The following ADAM32 variants were observed in gnomAD, a reference collection of about 807,000 sequenced individuals.
The protein encoded by ADAM32 is disintegrin and metalloproteinase domain-containing protein 32.
ADAM32 carries 89 observed loss-of-function variants against 114.9 expected under a neutral mutation model. The ratio of observed to expected loss-of-function variants is 0.77; its 90% confidence interval spans 0.65 to 0.92. The LOEUF is 0.92. Ranked by LOEUF, ADAM32 falls within the 40% of genes least tolerant of loss-of-function variation. ADAM32 has a pLI of 0.00. For missense variants in ADAM32, 870 were observed against 932.8 expected, an observed-to-expected ratio of 0.93 and a Z score of 0.88; for synonymous variants, 285 against 307.5, an observed-to-expected ratio of 0.93 and a Z score of 0.77.
chr8:39,174,275 G>C (rs566909453), intron 10 of ADAM32, among the ~76,000 whole-genome samples: 7 of 152,274 alleles, frequency 4.6e-5, no homozygotes, highest in Non-Finnish European at 7.4e-5. Flanking sequence ...ATGGTTGTAG[G>C]TGTGTGGTCT....
chr8:39,234,893 C>T (rs761461696), intron 16 of ADAM32, among the ~76,000 whole-genome samples: 2 of 152,196 alleles, frequency 1.3e-5, no homozygotes, highest in African/African-American at 4.8e-5. Context: ...CAACTTTCCC[C>T]ATGCTTTTCT....
At position 39,246,148 on chromosome 8, in the gene ADAM32, A is replaced by G. The variant is rs770688128; in HGVS notation, c.1884A>G (p.Gln628=). The G allele has an allele frequency of 1.9e-6, 3 of 1,613,364 alleles. No homozygotes were observed. The highest frequency in any genetic ancestry group is 2.2e-5 in the South Asian group (2 of 91,048). The change falls in exon 17 of 25, where the codon CAA becomes CAG. Residue 628 remains glutamine (Q), a synonymous_variant. Coordinates refer to ENST00000379907, the MANE Select transcript of ADAM32 (RefSeq NM_145004.7). ...AGGCTTCAGCACATGTTTGTTCACA[A>G]CAGTGTTCTGGACATGGAGTAAGTA... ...IIKASAHVCS[Q]QCSGHGVCDS... is the part of the protein sequence containing the mutation.
intron 22 of ADAM32, chr8:39,276,102 G>C (rs1813056159): frequency 2.6e-6 from 1 of 386,724 alleles, no homozygotes. Flanking sequence ...TTATTTTTGG[G>C]AAACAAAGGA....
chr8:39,138,151 CT>C (rs1022026111), intron 3 of ADAM32, among the ~76,000 whole-genome samples: 3 of 151,990 alleles, frequency 2.0e-5, no homozygotes, highest in South Asian at 2.1e-4. Flanking sequence ...AGGGAGTTTC[CT>C]TTTTTTGTGT....
chr8:39,250,983 A>G (rs77231224), intron 17 of ADAM32, among the ~76,000 whole-genome samples: 32,771 of 151,762 alleles, frequency 0.22, 3,792 homozygotes, highest in East Asian at 0.28. Flanking sequence ...AGTTCCATCC[A>G]TGTTGCTATG....
At chr8:39,241,592 T>A (rs1810555391) in intron 16 of ADAM32, among the ~76,000 whole-genome samples, 1 of 152,228 alleles carries the variant, frequency 6.6e-6, no homozygotes, top group South Asian at 2.1e-4. Flanking sequence ...GGCTTGGGCT[T>A]CCACCCTCTG....
chr8:39,115,743 AATG>A (rs1478378088), intron 1 of ADAM32, among the ~76,000 whole-genome samples: 2 of 152,160 alleles, frequency 1.3e-5, no homozygotes, highest in African/African-American at 4.8e-5. Context: ...TCTTTAGTTT[AATG>A]AAGTCCCACT....
At chr8:39,208,680 A>C (rs1424323122) in intron 11 of ADAM32, among the ~76,000 whole-genome samples, 2 of 152,068 alleles carry the variant, frequency 1.3e-5, no homozygotes, top group African/African-American at 4.8e-5. Context: ...CTTGGTTGAA[A>C]GTTTTTTCCT....
At chr8:39,209,483 T>C (rs73606769) in intron 11 of ADAM32, among the ~76,000 whole-genome samples, 37,519 of 152,156 alleles carry the variant, frequency 0.25, 4,976 homozygotes, top group Non-Finnish European at 0.29. Context: ...TACTGGTGCC[T>C]TATTTATTAT....
intron 22 of ADAM32, among the ~76,000 whole-genome samples, chr8:39,277,657 G>A (rs775210601): frequency 3.9e-5 from 6 of 152,230 alleles, no homozygotes; most frequent in Non-Finnish European, 8.8e-5. Context: ...CTGGCTGGGC[G>A]GGATCAAACT....
At chr8:39,275,685 G>A in intron 21 of ADAM32, 143 bp from the exon 22 acceptor site, 1 of 716,844 alleles carries the variant, frequency 1.4e-6, no homozygotes. Flanking sequence ...TAATTTAGTA[G>A]TCTTTTGAAA....
At chr8:39,245,142 A>G (rs1182551681) in intron 16 of ADAM32, among the ~76,000 whole-genome samples, 2 of 152,172 alleles carry the variant, frequency 1.3e-5, no homozygotes, top group Non-Finnish European at 2.9e-5. Flanking sequence ...GAACAAAATA[A>G]TGACATTTTA....
chr8:39,214,605 T>C (rs1309150107), intron 12 of ADAM32, among the ~76,000 whole-genome samples: 1 of 152,154 alleles, frequency 6.6e-6, no homozygotes, highest in Non-Finnish European at 1.5e-5. Flanking sequence ...GTTGGATGGG[T>C]AGTTTGCAGA....
rs2129445400 is a variant in ADAM32, at chr8:39,147,178, T to C, written c.249T>C (p.Ser83=). Residue 83 remains serine (S), a synonymous_variant, in exon 4 of 25, where the codon TCT becomes TCC. Transcript: ENST00000379907. The part of the protein sequence containing the change: ...NFMIYLYNQG[S]MNTYSSDIQT... ...TGATCTATTTGTACAATCAAGGATC[T>C]ATGAATACTTATTCTTCAGATATTC... 9.8e-7 allele frequency: 1 copy of C among 1,020,402 alleles called. No individual in the cohort carries two copies. Among genetic ancestry groups the C allele is most frequent in the Non-Finnish European group, 1.3e-6 (1 of 765,352 alleles). 63.2% of individuals were successfully genotyped at this position (1,020,402 alleles called of 1,614,324 possible). A position where few individuals can be genotyped will look rare whatever the true frequency, so the allele number is the denominator to read the frequency against.
At chr8:39,282,890 A>T (rs1441831954) in intron 23 of ADAM32, among the ~76,000 whole-genome samples, 1 of 152,164 alleles carries the variant, frequency 6.6e-6, no homozygotes, top group Non-Finnish European at 1.5e-5. Context: ...TCATGGTCAG[A>T]GTAGTAGGAA....
At chr8:39,257,162 T>A (rs763346516) in intron 18 of ADAM32, 25 bp from the exon 19 acceptor site, 20 of 1,518,108 alleles carry the variant, frequency 1.3e-5, no homozygotes, top group Non-Finnish European at 1.7e-5. Flanking sequence ...TTTTTGTTTT[T>A]TTTTTTTTGT....
chr8:39,149,595 A>G (rs1050543164), intron 4 of ADAM32, among the ~76,000 whole-genome samples, 196 bp from the exon 5 acceptor site: 3 of 152,142 alleles, frequency 2.0e-5, no homozygotes, highest in African/African-American at 7.2e-5. Context: ...GTCATAATCT[A>G]TTATAAAGTG....
Position 39,149,083 on chromosome 8 carries a change from C to A in ADAM32, c.277-708C>A, listed in dbSNP as rs143352236. Among the ~76,000 whole-genome samples the A allele has an allele frequency of 3.8e-3, 585 of 152,252 alleles. 3 individuals carry two copies. The highest frequency in any genetic ancestry group is 0.014 in the African/African-American group (564 of 41,570). ...TATGTTAACTAGGTCATACTAACCA[C>A]GTTGTCCAAACCTTCTGTAGATTCT... On this transcript the variant is annotated intron_variant, in intron 4 of 24. Coordinates refer to ENST00000379907, the MANE Select transcript of ADAM32 (RefSeq NM_145004.7).
intron 16 of ADAM32, among the ~76,000 whole-genome samples, chr8:39,242,182 T>A (rs1185535012): frequency 6.6e-6 from 1 of 152,224 alleles, no homozygotes; most frequent in East Asian, 1.9e-4. Flanking sequence ...CTGGATTGTG[T>A]TGTTCATATC....
Sources: gnomAD v4.1 joint callset for allele counts (sites outside exome capture counted in the v4.1 genomes callset) on GRCh38, gnomAD v4.1.1 for gene constraint, MANE v1.5 for transcripts, NCBI Gene and HGNC (gene_info 2026-07-23, HGNC 2026-07-21) for gene names.